Variants in PCMTD1 observed in about 807,000 individuals in gnomAD.
PCMTD1 encodes the protein protein-L-isoaspartate O-methyltransferase domain-containing protein 1.
PCMTD1 carries 12 observed loss-of-function variants against 37.6 expected under a neutral mutation model. The ratio of observed to expected loss-of-function variants is 0.32; its 90% CI spans 0.20 to 0.52. PCMTD1 has a LOEUF of 0.52. PCMTD1 is among the 20% of genes least tolerant of loss of function. The pLI is 0.97. For missense variants in PCMTD1, 235 were observed against 421.3 expected (o/e 0.56, Z 3.87); for synonymous variants, 117 against 135.8 (o/e 0.86, Z 0.96).
At position 51,818,745 on chromosome 8, in the gene PCMTD1, T is replaced by C. The variant is rs1196551285; in HGVS notation, c.*1606A>G. On this transcript the variant is annotated 3_prime_UTR_variant, in exon 6 of 6. Transcript: ENST00000522514. The stretch of plus-strand genomic sequence containing the variant: ...TTCACATAACTAAAATATCCTCACT[T>C]ACTTGGAACAATTTCATGCTTACAC... The C allele has an allele frequency of 1.3e-5, 2 of 152,330 alleles. No homozygotes were observed. The highest frequency in any genetic ancestry group is 4.8e-5 in the African/African-American group (2 of 41,484). 9.4% of individuals were successfully genotyped at this position (152,330 alleles called of 1,614,324 possible).
intron 1 of PCMTD1, among the ~76,000 whole-genome samples, chr8:51,891,231 T>C (rs1299291661): frequency 6.6e-6 from 1 of 152,086 alleles, no homozygotes. Context: ...CATATGAACC[T>C]AGGCAGCATA....
rs561125731 is a variant in PCMTD1 at position 51,841,135 on chromosome 8, G to A, written c.410+4526C>T. ...AGAAGACTCCCAGGCTCAGGTTACA[G>A]CCTCTTTTTCTAACCCTCAGTTTTC... On this transcript the variant is annotated intron_variant, in intron 3 of 5. Coordinates refer to ENST00000522514, the MANE Select transcript of PCMTD1 (RefSeq NM_052937.4). 2.3e-3 allele frequency among the ~76,000 whole-genome samples: 352 copies of A among 152,282 alleles called. 4 individuals are homozygous for A. The highest frequency in any genetic ancestry group is 7.9e-3 in the African/African-American group (329 of 41,576).
intron 2 of PCMTD1, 59 bp downstream of exon 2, chr8:51,860,786 T>C: frequency 7.3e-7 from 1 of 1,371,896 alleles, no homozygotes; most frequent in Non-Finnish European, 9.8e-7. Context: ...CTATAAATCA[T>C]AAACCATAAT....
intron 1 of PCMTD1, among the ~76,000 whole-genome samples, chr8:51,891,759 C>T (rs2038939926): frequency 6.7e-6 from 1 of 150,160 alleles, no homozygotes; most frequent in Non-Finnish European, 1.5e-5. Flanking sequence ...GATAAACTAG[C>T]TACAGAGGCT....
chr8:51,848,847 T>C (rs886407524), intron 2 of PCMTD1: 3 of 152,282 alleles, frequency 2.0e-5, no homozygotes, highest in Middle Eastern at 3.4e-3. Flanking sequence ...TTCAATGACA[T>C]GGAGGCACAT....
At chr8:51,821,797 C>T (rs1031196273) in intron 5 of PCMTD1, among the ~76,000 whole-genome samples, 2 of 149,892 alleles carry the variant, frequency 1.3e-5, no homozygotes, top group African/African-American at 2.5e-5. Flanking sequence ...AGTGCAGTGG[C>T]GTGATCTCAG....
intron 1 of PCMTD1, among the ~76,000 whole-genome samples, chr8:51,871,954 AT>A (rs976921501): frequency 2.0e-5 from 3 of 152,202 alleles, no homozygotes; most frequent in African/African-American, 7.2e-5. Flanking sequence ...GAGTTTTAAG[AT>A]GCCTATATTC....
intron 5 of PCMTD1, 144 bp from the exon 6 acceptor site, chr8:51,820,862 A>T (rs1251206637): frequency 1.1e-5 from 11 of 1,006,408 alleles, no homozygotes; most frequent in African/African-American, 1.6e-5. Context: ...TCATCTAACA[A>T]AGGTTTTGGA....
At chr8:51,849,611 C>A (rs2038275193) in intron 2 of PCMTD1, 1 of 152,696 alleles carries the variant, frequency 6.5e-6, no homozygotes, top group Non-Finnish European at 1.5e-5. Flanking sequence ...TTAAGGTTGA[C>A]AAACCCCCAT....
intron 1 of PCMTD1, among the ~76,000 whole-genome samples, chr8:51,878,114 G>A (rs751586690): frequency 1.4e-4 from 22 of 152,192 alleles, no homozygotes; most frequent in Non-Finnish European, 2.9e-4. Context: ...GTAAGCCATT[G>A]TGACTCTAAG....
At chr8:51,839,399 A>C (rs1585799608) in intron 3 of PCMTD1, 14 of 946,314 alleles carry the variant, frequency 1.5e-5, no homozygotes, top group Non-Finnish European at 1.8e-5. Flanking sequence ...ATCTCGGTTT[A>C]GAACATGAAG....
At chr8:51,835,942 G>A (rs944627288) in intron 3 of PCMTD1, among the ~76,000 whole-genome samples, 3 of 152,086 alleles carry the variant, frequency 2.0e-5, no homozygotes, top group Non-Finnish European at 4.4e-5. Flanking sequence ...GTGACACTGG[G>A]CAAGTTACCT....
intron 3 of PCMTD1, among the ~76,000 whole-genome samples, chr8:51,842,275 A>T (rs1423385702): frequency 6.6e-6 from 1 of 152,122 alleles, no homozygotes; most frequent in Non-Finnish European, 1.5e-5. Context: ...ACTTTTTTTT[A>T]AAGAAAGAAT....
At chr8:51,829,199 C>T (rs1185920934) in intron 5 of PCMTD1, among the ~76,000 whole-genome samples, 1 of 152,118 alleles carries the variant, frequency 6.6e-6, no homozygotes. Flanking sequence ...AAGTGGTCAA[C>T]AAATCTCCTT....
At chr8:51,861,721 TTTTA>T (rs2038472334) in intron 1 of PCMTD1, among the ~76,000 whole-genome samples, 1 of 150,982 alleles carries the variant, frequency 6.6e-6, no homozygotes, top group Non-Finnish European at 1.5e-5. Context: ...CATGTTTTTT[TTTTA>T]ATTTTTTTTT....
At chr8:51,860,593 C>T (rs530780546) in intron 2 of PCMTD1, 7 of 342,068 alleles carry the variant, frequency 2.0e-5, no homozygotes, top group African/African-American at 1.2e-4. Flanking sequence ...TGCCCACCAG[C>T]GCTTGACTTT....
intron 1 of PCMTD1, among the ~76,000 whole-genome samples, chr8:51,879,886 T>A (rs1221525065): frequency 1.3e-5 from 2 of 152,098 alleles, no homozygotes; most frequent in Non-Finnish European, 2.9e-5. Context: ...TTAATTTTTT[T>A]AATAAAAGGG....
At chr8:51,863,299 C>A (rs1250284205) in intron 1 of PCMTD1, among the ~76,000 whole-genome samples, 2 of 152,152 alleles carry the variant, frequency 1.3e-5, no homozygotes, top group Non-Finnish European at 2.9e-5. Context: ...AATGATCTGA[C>A]CCTCCTTAGG....
At chr8:51,881,177 A>T (rs2038786242) in intron 1 of PCMTD1, among the ~76,000 whole-genome samples, 1 of 152,224 alleles carries the variant, frequency 6.6e-6, no homozygotes, top group African/African-American at 2.4e-5. Context: ...TCATGGAACA[A>T]GCCAATAATC....
Sources: gnomAD v4.1 joint callset for allele counts (sites outside exome capture counted in the v4.1 genomes callset) on GRCh38, gnomAD v4.1.1 for gene constraint, MANE v1.5 for transcripts, NCBI Gene and HGNC (gene_info 2026-07-23, HGNC 2026-07-21) for gene names.